The following RBFOX1 variants were observed in gnomAD, a reference collection of about 807,000 sequenced individuals.
RBFOX1 encodes the protein RNA binding protein fox-1 homolog 1.
A neutral mutation model predicts 57.7 loss-of-function variants in RBFOX1; 8 were observed. That is an observed-to-expected ratio of 0.14 (90% CI 0.08 to 0.25). RBFOX1 has a LOEUF of 0.25. Among genes scored for constraint, RBFOX1 ranks in the 10% least tolerant of loss-of-function variants. RBFOX1 has a pLI of 1.00. For missense variants in RBFOX1, 611 were observed against 548.5 expected (o/e 1.11, Z -1.14); for synonymous variants, 326 against 222.4 (o/e 1.47, Z -4.15).
chr16:6,496,530 G>A (rs919042335), intron 2 of RBFOX1, among the ~76,000 whole-genome samples: 5 of 152,172 alleles, frequency 3.3e-5, no homozygotes, highest in South Asian at 2.1e-4. Context: ...CCACTTGAAC[G>A]TATCAGTTTA....
intron 2 of RBFOX1, among the ~76,000 whole-genome samples, chr16:6,619,859 C>A (rs750825196): frequency 5.3e-5 from 8 of 152,092 alleles, no homozygotes; most frequent in Non-Finnish European, 1.2e-4. Flanking sequence ...TCCCTCCTCC[C>A]ACCCTCCACC....
intron 1 of RBFOX1, among the ~76,000 whole-genome samples, chr16:5,456,061 C>G (rs528602162): frequency 3.6e-4 from 54 of 151,294 alleles, no homozygotes; most frequent in Non-Finnish European, 7.2e-4. Context: ...GTAAAATACA[C>G]AAGAAGAAAT....
chr16:6,961,304 C>G (rs1410806245), intron 3 of RBFOX1, among the ~76,000 whole-genome samples: 1 of 152,220 alleles, frequency 6.6e-6, no homozygotes, highest in African/African-American at 2.4e-5. Flanking sequence ...GCAATGCAGA[C>G]AGTCCTGGCC....
At chr16:5,703,718 A>AT (rs553974345) in intron 3 of RBFOX1, among the ~76,000 whole-genome samples, 13 of 152,086 alleles carry the variant, frequency 8.5e-5, no homozygotes, top group Middle Eastern at 3.4e-3. Flanking sequence ...TTATTGCATA[A>AT]TTTTTTTACA....
intron 3 of RBFOX1, among the ~76,000 whole-genome samples, chr16:6,955,910 T>C (rs2081724198): frequency 1.3e-5 from 2 of 152,110 alleles, no homozygotes; most frequent in African/African-American, 4.8e-5. Flanking sequence ...TTCACCATGT[T>C]GGTCAGGCTG....
chr16:6,542,947 C>T (rs1490025016), intron 2 of RBFOX1, among the ~76,000 whole-genome samples: 1 of 152,098 alleles, frequency 6.6e-6, no homozygotes, highest in African/African-American at 2.4e-5. Flanking sequence ...GGGCGTCTGT[C>T]TTCACAGTGC....
At chr16:5,802,010 G>C (rs1452066688) in intron 3 of RBFOX1, among the ~76,000 whole-genome samples, 1 of 152,064 alleles carries the variant, frequency 6.6e-6, no homozygotes, top group Admixed American at 6.6e-5. Context: ...GGCTGCATTC[G>C]CTGGAGGAAG....
At chr16:5,345,859 G>A (rs906545205) in intron 1 of RBFOX1, among the ~76,000 whole-genome samples, 1 of 152,152 alleles carries the variant, frequency 6.6e-6, no homozygotes, top group African/African-American at 2.4e-5. Flanking sequence ...GCCCGTTAGT[G>A]GGCTGGTGAG....
chr16:5,452,495 T>C (rs2068457461), intron 1 of RBFOX1, among the ~76,000 whole-genome samples: 1 of 152,076 alleles, frequency 6.6e-6, no homozygotes, highest in African/African-American at 2.4e-5. Flanking sequence ...GAGACTGCTT[T>C]CTCCTTTCAT....
chr16:6,170,569 C>T (rs1192789383), intron 1 of RBFOX1, among the ~76,000 whole-genome samples: 1 of 152,068 alleles, frequency 6.6e-6, no homozygotes, highest in African/African-American at 2.4e-5. Context: ...ACTCATGGTG[C>T]TATTAATTAT....
intron 4 of RBFOX1, among the ~76,000 whole-genome samples, chr16:7,198,786 T>G (rs1567673099): frequency 6.6e-6 from 1 of 152,216 alleles, no homozygotes; most frequent in Non-Finnish European, 1.5e-5. Context: ...GGGCCTCACC[T>G]CCCAACACTG....
chr16:5,366,707 A>G (rs1310931741), intron 1 of RBFOX1: 4 of 395,640 alleles, frequency 1.0e-5, no homozygotes, highest in South Asian at 4.5e-5. Context: ...CATTTAAACA[A>G]TTTGTTAAAA....
intron 4 of RBFOX1, among the ~76,000 whole-genome samples, chr16:5,918,061 A>T (rs529837136): frequency 4.0e-4 from 61 of 152,296 alleles, no homozygotes; most frequent in Non-Finnish European, 6.8e-4. Flanking sequence ...TCCATGTCCC[A>T]AGCACTCAGT....
rs540806727 is a variant in RBFOX1 at position 6,483,328 on chromosome 16, A to T, written c.-64+166271A>T. 4.8e-6 allele frequency: 7 copies of T among 1,465,996 alleles called. No homozygotes were observed. The African/African-American group carries it at 9.8e-5, about 21-fold the overall frequency. 90.8% of individuals were successfully genotyped at this position (1,465,996 alleles called of 1,614,324 possible). On this transcript the variant is annotated intron_variant, in intron 2 of 15. Coordinates refer to ENST00000550418, the MANE Select transcript of RBFOX1 (RefSeq NM_018723.4). ...CGCCCGCGCGCTCGGGGCGTTCTGC[A>T]CCTGCTGGCGGTCGTGCCAGGCAGC...
At chr16:7,121,226 C>G (rs915170893) in intron 4 of RBFOX1, among the ~76,000 whole-genome samples, 6 of 151,912 alleles carry the variant, frequency 3.9e-5, no homozygotes, top group African/African-American at 1.2e-4. Context: ...TCCACTCTCA[C>G]CAAACTTATG....
At chr16:7,465,515 C>G (rs1222082634) in intron 4 of RBFOX1, among the ~76,000 whole-genome samples, 1 of 152,218 alleles carries the variant, frequency 6.6e-6, no homozygotes, top group African/African-American at 2.4e-5. Context: ...ATTCTGTCCC[C>G]AAGTCCATGG....
At chr16:6,544,892 G>A (rs997315287) in intron 2 of RBFOX1, among the ~76,000 whole-genome samples, 7 of 152,180 alleles carry the variant, frequency 4.6e-5, no homozygotes, top group African/African-American at 1.7e-4. Context: ...CAGTACCATT[G>A]TTTGCACATG....
intron 2 of RBFOX1, among the ~76,000 whole-genome samples, chr16:5,520,831 G>T (rs1243878876): frequency 2.6e-5 from 4 of 152,206 alleles, no homozygotes; most frequent in Admixed American, 2.6e-4. Flanking sequence ...ATGCAGTTAT[G>T]TGCTTAGACT....
At chr16:6,051,425 T>A (rs2095550776) in intron 1 of RBFOX1, among the ~76,000 whole-genome samples, 1 of 152,146 alleles carries the variant, frequency 6.6e-6, no homozygotes, top group African/African-American at 2.4e-5. Flanking sequence ...CCTCCTGGGT[T>A]CAAGCGATTC....
Sources: gnomAD v4.1 joint callset for allele counts (sites outside exome capture counted in the v4.1 genomes callset) on GRCh38, gnomAD v4.1.1 for gene constraint, MANE v1.5 for transcripts, NCBI Gene and HGNC (gene_info 2026-07-23, HGNC 2026-07-21) for gene names.